Variants in CTNNA2 observed in about 807,000 individuals in gnomAD.
CTNNA2 encodes the protein catenin alpha 2, also known as catenin alpha-2.
Under a neutral mutation model 101.0 loss-of-function variants are expected in CTNNA2, and 42 were observed. The ratio of observed to expected loss-of-function variants is 0.42; its 90% CI spans 0.32 to 0.54. CTNNA2 has a LOEUF of 0.54. Ranked by LOEUF, CTNNA2 falls within the 20% of genes least tolerant of loss-of-function variation. CTNNA2 has a pLI of 0.14. For missense variants in CTNNA2, 871 were observed against 1,223.1 expected (o/e 0.71, Z 4.29); for synonymous variants, 450 against 456.4 (o/e 0.99, Z 0.18).
intron 3 of CTNNA2, 82 bp downstream of exon 3, chr2:79,744,664 T>G (rs1558891284): frequency 1.5e-6 from 2 of 1,309,990 alleles, no homozygotes; most frequent in Non-Finnish European, 2.1e-6. Context: ...CAATGGATAT[T>G]TACTCAAAGA....
At chr2:79,554,355 A>G (rs1342133784) in intron 1 of CTNNA2, among the ~76,000 whole-genome samples, 1 of 152,156 alleles carries the variant, frequency 6.6e-6, no homozygotes, top group Non-Finnish European at 1.5e-5. Flanking sequence ...AATTGATCAC[A>G]ATATCTTCCT....
chr2:79,880,666 T>G (rs1225409486), intron 6 of CTNNA2, among the ~76,000 whole-genome samples: 3 of 151,868 alleles, frequency 2.0e-5, no homozygotes, highest in African/African-American at 4.8e-5. Context: ...TGGTGATATC[T>G]CCTTTATAAT....
intron 2 of CTNNA2, among the ~76,000 whole-genome samples, chr2:79,260,414 T>C (rs1435088249): frequency 6.6e-6 from 1 of 152,164 alleles, no homozygotes; most frequent in African/African-American, 2.4e-5. Context: ...TCTCCTTACC[T>C]CAGGAGCGTC....
At chr2:79,417,940 A>C (rs1678500949) in intron 4 of CTNNA2, among the ~76,000 whole-genome samples, 1 of 152,006 alleles carries the variant, frequency 6.6e-6, no homozygotes, top group Admixed American at 6.6e-5. Flanking sequence ...GGTTGGCCAT[A>C]CCACGTGGGA....
chr2:80,489,957 G>A (rs1686909554), intron 9 of CTNNA2, among the ~76,000 whole-genome samples: 1 of 152,078 alleles, frequency 6.6e-6, no homozygotes, highest in African/African-American at 2.4e-5. Context: ...ACAGGAAACA[G>A]GTCCGAGGGG....
At chr2:79,734,900 T>C (rs1670761038) in intron 2 of CTNNA2, among the ~76,000 whole-genome samples, 1 of 152,144 alleles carries the variant, frequency 6.6e-6, no homozygotes, top group Non-Finnish European at 1.5e-5. Flanking sequence ...TAATATCTCA[T>C]CAATAACCTT....
chr2:79,422,937 T>G (rs1219330056), intron 4 of CTNNA2, among the ~76,000 whole-genome samples: 1 of 152,176 alleles, frequency 6.6e-6, no homozygotes, highest in Admixed American at 6.5e-5. Context: ...TTGTTGTATT[T>G]TATGCTTATG....
chr2:80,573,962 A>AT (rs1296752261), intron 12 of CTNNA2, among the ~76,000 whole-genome samples: 3 of 152,124 alleles, frequency 2.0e-5, no homozygotes, highest in Non-Finnish European at 4.4e-5. Context: ...TAGAATAACA[A>AT]TTGGGAAAGT....
At chr2:80,208,463 A>C (rs1707670155) in intron 7 of CTNNA2, among the ~76,000 whole-genome samples, 2 of 152,158 alleles carry the variant, frequency 1.3e-5, no homozygotes, top group South Asian at 4.1e-4. Flanking sequence ...ATTCTCAACA[A>C]AATGTATTGA....
Position 80,324,233 on chromosome 2 carries a change from A to G in CTNNA2, c.1057-68978A>G, listed in dbSNP as rs1292498512. Among the ~76,000 whole-genome samples, 4 of 152,288 alleles carry G rather than the reference A, an allele frequency of 2.6e-5. No individual in the cohort carries two copies. In the East Asian group the frequency reaches 7.8e-4, roughly 30 times the overall value. On this transcript the variant is annotated intron_variant, in intron 7 of 18. Transcript: ENST00000402739. ...GTCAGAACCTCTCCAAAGTTAGGTG[A>G]TTTGCTTTGCTTTGAAGGGGGTCGA...
At chr2:80,130,171 C>T (rs944792148) in intron 7 of CTNNA2, among the ~76,000 whole-genome samples, 7 of 152,096 alleles carry the variant, frequency 4.6e-5, no homozygotes, top group South Asian at 2.1e-4. Context: ...TCTAGTCAAG[C>T]TCTGCTGTTT....
At chr2:79,378,195 C>G (rs1044731041) in intron 4 of CTNNA2, among the ~76,000 whole-genome samples, 4 of 151,958 alleles carry the variant, frequency 2.6e-5, no homozygotes, top group African/African-American at 9.7e-5. Flanking sequence ...ATAAAAAGTT[C>G]CCATTTTGTA....
At chr2:80,099,321 C>T (rs1700390429) in intron 7 of CTNNA2, among the ~76,000 whole-genome samples, 1 of 152,138 alleles carries the variant, frequency 6.6e-6, no homozygotes, top group East Asian at 1.9e-4. Context: ...TCTTGGGTTG[C>T]ATTAATAAGT....
intron 2 of CTNNA2, among the ~76,000 whole-genome samples, chr2:79,657,917 T>C (rs1681730139): frequency 6.6e-6 from 1 of 151,832 alleles, no homozygotes; most frequent in Non-Finnish European, 1.5e-5. Context: ...TAAAATAATG[T>C]ACCACGTAAA....
chr2:80,224,431 A>ATTTATT (rs556044425), intron 7 of CTNNA2, among the ~76,000 whole-genome samples: 265 of 152,006 alleles, frequency 1.7e-3, no homozygotes, highest in African/African-American at 5.6e-3. Context: ...CTACAGCTGC[A>ATTTATT]TTTATTTTTA....
At chr2:79,587,456 C>G (rs1676569963) in intron 1 of CTNNA2, among the ~76,000 whole-genome samples, 1 of 152,090 alleles carries the variant, frequency 6.6e-6, no homozygotes, top group South Asian at 2.1e-4. Flanking sequence ...TGAATGCTGC[C>G]CATGCACACT....
At chr2:79,446,432 A>C (rs1678834034) in intron 4 of CTNNA2, among the ~76,000 whole-genome samples, 2 of 152,064 alleles carry the variant, frequency 1.3e-5, no homozygotes, top group African/African-American at 4.8e-5. Flanking sequence ...CTGCAGAATA[A>C]ATCATGTGCC....
intron 2 of CTNNA2, among the ~76,000 whole-genome samples, chr2:79,663,103 G>A (rs980622561): frequency 6.6e-6 from 1 of 152,040 alleles, no homozygotes; most frequent in Non-Finnish European, 1.5e-5. Context: ...TTTTCACAGA[G>A]CCCTAGTCAC....
chr2:79,719,421 A>G (rs1010768248), intron 2 of CTNNA2, among the ~76,000 whole-genome samples: 33 of 152,144 alleles, frequency 2.2e-4, no homozygotes, highest in African/African-American at 8.0e-4. Flanking sequence ...TCCTTTCAGT[A>G]TATAACCAGT....
Sources: gnomAD v4.1 joint callset for allele counts (sites outside exome capture counted in the v4.1 genomes callset) on GRCh38, gnomAD v4.1.1 for gene constraint, MANE v1.5 for transcripts, NCBI Gene and HGNC (gene_info 2026-07-23, HGNC 2026-07-21) for gene names.